Variants in KCNQ1OT1 observed in about 807,000 individuals in gnomAD.
KCNQ1OT1 encodes the protein KCNQ1 antisense RNA 2 (non-protein coding).
rs1382719064 is a variant in KCNQ1OT1 at position 2,682,806 on chromosome 11, G to T, written n.17189C>A. On this transcript the variant is annotated non_coding_transcript_exon_variant, in exon 1 of 1. Coordinates refer to ENST00000597346, the Ensembl canonical transcript of KCNQ1OT1. This position sits in a 1 kb window ranked among gnomAD's most constrained non-coding sequence, Gnocchi z 5.8. ...TGGGCACCATGAAATGCAGTGACTT[G>T]CAGTGATCCTCCTGGGGCCTTGTAT... is the stretch of plus-strand genomic sequence containing the variant. 1 of 398,526 alleles carries T rather than the reference G, an allele frequency of 2.5e-6. No homozygotes were observed. Among genetic ancestry groups the T allele is most frequent in the African/African-American group, 2.1e-5 (1 of 48,626 alleles). The allele number at this position is 398,526 out of a possible 1,614,324, so 24.7% of individuals were successfully genotyped here. A position where few individuals can be genotyped will look rare whatever the true frequency, so the allele number is the denominator to read the frequency against.
rs749046608 is a variant in KCNQ1OT1, at chr11:2,658,047, A to G, written n.41948T>C. 3.7e-4 allele frequency: 149 copies of G among 398,490 alleles called. No individual in the cohort carries two copies. The highest frequency in any genetic ancestry group is 7.6e-4 in the South Asian group (6 of 7,866). 24.7% of individuals were successfully genotyped at this position (398,490 alleles called of 1,614,324 possible). ...CTTAGTCTTTAGAAGCGAGTCACTA[A>G]GTATAGCCCACACTCAAGGTGGGGA... On this transcript the variant is annotated non_coding_transcript_exon_variant, in exon 1 of 1. Transcript: ENST00000597346. The surrounding 1 kb of genome is among the most constrained non-coding windows in gnomAD (Gnocchi z 4.9).
chr11:2,699,633 C>CCCCCGGGGACAACCGCGCCGAAGAAA (rs1306654434), exon 1 of KCNQ1OT1: 12 of 354,490 alleles, frequency 3.4e-5, no homozygotes, highest in Non-Finnish European at 5.0e-6. Flanking sequence ...CGCCGAAGAA[C>CCCCCGGGGACAACCGCGCCGAAGAAA]CCCCGGGGAC....
At chr11:2,655,985 A>C in exon 1 of KCNQ1OT1, 1 of 398,624 alleles carries the variant, frequency 2.5e-6, no homozygotes, top group African/African-American at 2.1e-5. Context: ...CAGCCAACTG[A>C]TGTGCACATT....
exon 1 of KCNQ1OT1, chr11:2,639,360 TTGA>T (rs1342770826): frequency 1.3e-5 from 2 of 152,344 alleles, no homozygotes; most frequent in Non-Finnish European, 2.9e-5. Flanking sequence ...CCTTTGGTCT[TTGA>T]TGATGGTGAC....
At position 2,611,713 on chromosome 11, in the gene KCNQ1OT1, A is replaced by G; in HGVS notation, n.88282T>C. The G allele has an allele frequency of 2.5e-6, 1 of 398,532 alleles. No homozygotes were observed. The highest frequency in any genetic ancestry group is 4.4e-6 in the Non-Finnish European group (1 of 226,048). 24.7% of individuals were successfully genotyped at this position (398,532 alleles called of 1,614,324 possible). A position where few individuals can be genotyped will look rare whatever the true frequency, so the allele number is the denominator to read the frequency against. On this transcript the variant is annotated non_coding_transcript_exon_variant, in exon 1 of 1. Transcript: ENST00000597346. This position sits in a 1 kb window ranked among gnomAD's most constrained non-coding sequence, Gnocchi z 5.3. ...TTTTAATTCACTTATATGTAATATAATTATTGATATGGAAGGATTTATATC... is the reference window on the plus strand; with the variant it reads ...TTTTAATTCACTTATATGTAATATAGTTATTGATATGGAAGGATTTATATC...
At position 2,659,192 on chromosome 11, in the gene KCNQ1OT1, C is replaced by T. The variant is rs1849905990; in HGVS notation, n.40803G>A. The T allele has an allele frequency of 5.0e-6, 2 of 398,432 alleles. No individual in the cohort carries two copies. Among genetic ancestry groups the T allele is most frequent in the African/African-American group, 4.1e-5 (2 of 48,592 alleles). The allele number at this position is 398,432 out of a possible 1,614,324, so 24.7% of individuals were successfully genotyped here. A position where few individuals can be genotyped will look rare whatever the true frequency, so the allele number is the denominator to read the frequency against. On this transcript the variant is annotated non_coding_transcript_exon_variant, in exon 1 of 1. Coordinates refer to ENST00000597346, the Ensembl canonical transcript of KCNQ1OT1. This position sits in a 1 kb window ranked among gnomAD's most constrained non-coding sequence, Gnocchi z 4.3. ...TGACAGATGTCTGGAGTCATGTGTC[C>T]ACAATCCAGTATCATTCACAGAAGT...
At chr11:2,643,952 T>C in exon 1 of KCNQ1OT1, 1 of 398,622 alleles carries the variant, frequency 2.5e-6, no homozygotes, top group Non-Finnish European at 4.4e-6. Context: ...CTGTAAAGTT[T>C]CTGCTGAAAA....
At position 2,647,454 on chromosome 11, in the gene KCNQ1OT1, T is replaced by A. The variant is rs1849683963; in HGVS notation, n.52541A>T. 1 of 398,438 alleles carries A rather than the reference T, an allele frequency of 2.5e-6. No individual in the cohort carries two copies. The highest frequency in any genetic ancestry group is 4.4e-6 in the Non-Finnish European group (1 of 226,050). 24.7% of individuals were successfully genotyped at this position (398,438 alleles called of 1,614,324 possible). On this transcript the variant is annotated non_coding_transcript_exon_variant, in exon 1 of 1. Coordinates refer to ENST00000597346, the Ensembl canonical transcript of KCNQ1OT1. This position sits in a 1 kb window ranked among gnomAD's most constrained non-coding sequence, Gnocchi z 4.0. ...TCATCAGGGAGATTGGCCTGTAGTT[T>A]TCTTTTTTGCTGTTATTGTGTCCTT...
exon 1 of KCNQ1OT1, chr11:2,680,153 A>T (rs1315307131): frequency 1.0e-5 from 4 of 396,460 alleles, no homozygotes; most frequent in Middle Eastern, 6.2e-4. Context: ...CAGCCTCCTA[A>T]AGTGCTGGGA....
rs979666127 is a variant in KCNQ1OT1 at position 2,659,529 on chromosome 11, C to A, written n.40466G>T. 1.3e-5 allele frequency: 5 copies of A among 398,354 alleles called. No individual in the cohort carries two copies. The Admixed American group carries it at 1.8e-4, about 14-fold the overall frequency. The allele number at this position is 398,354 out of a possible 1,614,324, so 24.7% of individuals were successfully genotyped here. A position where few individuals can be genotyped will look rare whatever the true frequency, so the allele number is the denominator to read the frequency against. ...CTGTTGAAGGACATCTTCATTGTTTCCAGTATTTGGTAATTATGAGCAGAG... is the reference window on the plus strand; with the variant it reads ...CTGTTGAAGGACATCTTCATTGTTTACAGTATTTGGTAATTATGAGCAGAG... On this transcript the variant is annotated non_coding_transcript_exon_variant, in exon 1 of 1. Coordinates refer to ENST00000597346, the Ensembl canonical transcript of KCNQ1OT1. This position sits in a 1 kb window ranked among gnomAD's most constrained non-coding sequence, Gnocchi z 4.3.
chr11:2,699,553 C>T (rs191701792), exon 1 of KCNQ1OT1: 9 of 332,474 alleles, frequency 2.7e-5, no homozygotes, highest in African/African-American at 7.7e-5. Context: ...GAGGACCGCG[C>T]GGAGGAGAAC....
chr11:2,618,213 G>A (rs913458381), exon 1 of KCNQ1OT1: 9 of 398,310 alleles, frequency 2.3e-5, no homozygotes, highest in South Asian at 1.3e-4. Context: ...GTAAGGCAGC[G>A]ATATCAAATC....
At chr11:2,656,761 GCTT>G (rs1849857193) in exon 1 of KCNQ1OT1, 2 of 398,324 alleles carry the variant, frequency 5.0e-6, no homozygotes, top group Non-Finnish European at 8.8e-6. Context: ...CATGGTTATT[GCTT>G]CTTTTAAAAA....
exon 1 of KCNQ1OT1, chr11:2,632,046 AGCAGCGTG>A: frequency 2.5e-6 from 1 of 396,132 alleles, no homozygotes; most frequent in Non-Finnish European, 4.4e-6. Context: ...AGCCAGGCAT[AGCAGCGTG>A]TGCCTGTAGT....
rs1850389113 is a variant in KCNQ1OT1, at chr11:2,681,078, T to C, written n.18917A>G. 1.3e-5 allele frequency: 5 copies of C among 398,500 alleles called. No homozygotes were observed. In the South Asian group the frequency reaches 6.4e-4, roughly 51 times the overall value. The allele number at this position is 398,500 out of a possible 1,614,324, so 24.7% of individuals were successfully genotyped here. ...CTCCAAAAAGAGACTTTGGAAGATTTCACTAATGATGTGGTTATTTTTTAA... is the reference window on the plus strand; with the variant it reads ...CTCCAAAAAGAGACTTTGGAAGATTCCACTAATGATGTGGTTATTTTTTAA... On this transcript the variant is annotated non_coding_transcript_exon_variant, in exon 1 of 1. Transcript: ENST00000597346.
rs1564855397 is a variant in KCNQ1OT1 at position 2,678,196 on chromosome 11, T to C, written n.21799A>G. On this transcript the variant is annotated non_coding_transcript_exon_variant, in exon 1 of 1. Transcript: ENST00000597346. This position sits in a 1 kb window ranked among gnomAD's most constrained non-coding sequence, Gnocchi z 4.9. ...TTTCTGGTGGCAGAATTTTTTTAATTTCACATAGTCAGCTGTGTCAGTCTT... is the reference window on the plus strand; with the variant it reads ...TTTCTGGTGGCAGAATTTTTTTAATCTCACATAGTCAGCTGTGTCAGTCTT... The C allele has an allele frequency of 5.0e-6, 2 of 398,274 alleles. No individual in the cohort carries two copies. Among genetic ancestry groups the C allele is most frequent in the Non-Finnish European group, 8.9e-6 (2 of 225,958 alleles). The allele number at this position is 398,274 out of a possible 1,614,324, so 24.7% of individuals were successfully genotyped here.
At position 2,612,623 on chromosome 11, in the gene KCNQ1OT1, T is replaced by C. The variant is rs1848999493; in HGVS notation, n.87372A>G. On this transcript the variant is annotated non_coding_transcript_exon_variant, in exon 1 of 1. Transcript: ENST00000597346. This position sits in a 1 kb window ranked among gnomAD's most constrained non-coding sequence, Gnocchi z 5.5. ...TCTATCTCTATATTGATATTATCTA[T>C]TTGATGAGTCTTTGTCATCACACTT... The C allele has an allele frequency of 2.5e-6, 1 of 398,600 alleles. No individual in the cohort carries two copies. Among genetic ancestry groups the C allele is most frequent in the Non-Finnish European group, 4.4e-6 (1 of 226,050 alleles). The allele number at this position is 398,600 out of a possible 1,614,324, so 24.7% of individuals were successfully genotyped here.
chr11:2,625,565 C>A, exon 1 of KCNQ1OT1: 1 of 386,708 alleles, frequency 2.6e-6, no homozygotes, highest in Non-Finnish European at 4.5e-6. Flanking sequence ...TACGTCTGTC[C>A]AAGTCCTTTG....
chr11:2,675,653 G>C (rs1441855688), exon 1 of KCNQ1OT1: 1 of 398,550 alleles, frequency 2.5e-6, no homozygotes, highest in African/African-American at 2.1e-5. Context: ...GGCTCTCTAG[G>C]AGCCCGCCCA....
Sources: gnomAD v4.1 joint callset for allele counts on GRCh38, gnomAD v4.1.1 for gene constraint, Gnocchi (gnomAD v3.1) non-coding constraint, MANE v1.5 for transcripts, NCBI Gene and HGNC (gene_info 2026-07-23, HGNC 2026-07-21) for gene names.